Variants in SLC7A1 observed in about 807,000 individuals in gnomAD.
The protein encoded by SLC7A1 is solute carrier family 7 member 1.
A neutral mutation model predicts 53.9 loss-of-function variants in SLC7A1; 10 were observed. The observed-to-expected ratio is 0.19, with a 90% CI of 0.11 to 0.31. The LOEUF is 0.31. Ranked by LOEUF, SLC7A1 falls within the 10% of genes least tolerant of loss-of-function variation. The probability of loss-of-function intolerance (pLI) is 1.00; values close to 1 mark genes in which losing one functional copy is unlikely to be tolerated. For synonymous variants in SLC7A1, 342 were observed against 338.7 expected (o/e 1.01, Z -0.11); for missense variants, 525 against 827.2 (o/e 0.63, Z 4.48).
At chr13:29,563,460 C>T (rs1243300234) in intron 1 of SLC7A1, among the ~76,000 whole-genome samples, 3 of 152,184 alleles carry the variant, frequency 2.0e-5, no homozygotes, top group African/African-American at 7.2e-5. Context: ...GAAAGCGAAA[C>T]TCTGTCATCA....
intron 5 of SLC7A1, among the ~76,000 whole-genome samples, chr13:29,527,764 T>C (rs1465953090): frequency 6.6e-6 from 1 of 152,192 alleles, no homozygotes; most frequent in East Asian, 1.9e-4. Context: ...ACTGCATCAG[T>C]GGTGAACTTC....
Position 29,587,583 on chromosome 13 carries a change from C to T in SLC7A1, c.-115+7833G>A, listed in dbSNP as rs1871936814. Among the ~76,000 whole-genome samples, 4 of 152,228 alleles carry T rather than the reference C, an allele frequency of 2.6e-5. No individual in the cohort carries two copies. In the South Asian group the frequency reaches 8.3e-4, roughly 32 times the overall value. On this transcript the variant is annotated intron_variant, in intron 1 of 12. Transcript: ENST00000380752. ...GTTTCCCTCAATCACGCTCCAGGCC[C>T]CATCCTTAACCTCTGCCAAGTCCAG... is the stretch of plus-strand genomic sequence containing the variant.
Position 29,530,723 on chromosome 13 carries a change from G to T in SLC7A1, c.530-11C>A. ...CAAGAGTTAAAAGTCCTGAAAAAGTGCATAGACACAAAACTTTGTCTGAGT... is the reference window on the plus strand; with the variant it reads ...CAAGAGTTAAAAGTCCTGAAAAAGTTCATAGACACAAAACTTTGTCTGAGT... On this transcript the variant is annotated splice_polypyrimidine_tract_variant and intron_variant, in intron 4 of 12. Transcript: ENST00000380752. 2 of 1,611,916 alleles carry T rather than the reference G, an allele frequency of 1.2e-6. No individual in the cohort carries two copies. The highest frequency in any genetic ancestry group is 1.7e-6 in the Non-Finnish European group (2 of 1,178,322).
chr13:29,530,542 T>C lies in SLC7A1; in HGVS notation c.700A>G (p.Asn234Asp), dbSNP rs759155237. 6.2e-7 allele frequency: 1 copy of C among 1,613,872 alleles called. No homozygotes were observed. The highest frequency in any genetic ancestry group is 2.2e-5 in the East Asian group (1 of 44,868). ...FGNTSGRLCL[N>D]NDTKEGKPGV... ...TGGTCAGAAGCAGCAACTCACTTGT[T>C]CAAACAGAGACGGCCTGATGTGTTC... The change falls in exon 5 of 13, where the codon AAC (asparagine) becomes GAC (aspartate). Residue 234 changes from asparagine (N) to aspartate (D), a missense_variant. Coordinates refer to ENST00000380752, the MANE Select transcript of SLC7A1 (RefSeq NM_003045.5).
At chr13:29,544,595 A>G (rs1028239208) in intron 2 of SLC7A1, among the ~76,000 whole-genome samples, 4 of 152,154 alleles carry the variant, frequency 2.6e-5, no homozygotes, top group African/African-American at 9.7e-5. Flanking sequence ...GATTTTTTTA[A>G]GTAATAATGC....
chr13:29,548,395 G>A (rs981856833), intron 2 of SLC7A1, among the ~76,000 whole-genome samples: 4 of 152,200 alleles, frequency 2.6e-5, no homozygotes, highest in African/African-American at 9.6e-5. Flanking sequence ...TGGAACCCAT[G>A]CCCACTGGAC....
At chr13:29,536,277 A>C in intron 2 of SLC7A1, 75 bp from the exon 3 acceptor site, 1 of 1,394,336 alleles carries the variant, frequency 7.2e-7, no homozygotes. Flanking sequence ...CACATTATGG[A>C]AACACAGACA....
intron 5 of SLC7A1, among the ~76,000 whole-genome samples, chr13:29,526,926 G>C (rs1868919199): frequency 6.6e-6 from 1 of 152,156 alleles, no homozygotes; most frequent in African/African-American, 2.4e-5. Flanking sequence ...GTGAGCATCC[G>C]TAAACCTCCC....
chr13:29,547,176 G>C (rs1159588266), intron 2 of SLC7A1, among the ~76,000 whole-genome samples: 1 of 152,190 alleles, frequency 6.6e-6, no homozygotes, highest in Non-Finnish European at 1.5e-5. Flanking sequence ...AGAGTCATGA[G>C]TTAAGTGACA....
At chr13:29,591,567 G>C (rs763467095) in intron 1 of SLC7A1, among the ~76,000 whole-genome samples, 5 of 152,138 alleles carry the variant, frequency 3.3e-5, no homozygotes, top group Admixed American at 3.3e-4. Context: ...CACTTTTAAA[G>C]AAACAGGAAA....
At chr13:29,570,731 C>CTTA (rs1280469524) in intron 1 of SLC7A1, among the ~76,000 whole-genome samples, 1 of 152,014 alleles carries the variant, frequency 6.6e-6, no homozygotes, top group Admixed American at 6.5e-5. Context: ...GTGGCTTGTG[C>CTTA]TTATAGTCCC....
At chr13:29,546,990 T>G (rs1050073642) in intron 2 of SLC7A1, among the ~76,000 whole-genome samples, 1 of 152,206 alleles carries the variant, frequency 6.6e-6, no homozygotes, top group African/African-American at 2.4e-5. Flanking sequence ...TTATATTGCC[T>G]GCTGTCACGT....
intron 1 of SLC7A1, among the ~76,000 whole-genome samples, chr13:29,554,186 G>A (rs185332340): frequency 8.5e-5 from 13 of 152,288 alleles, no homozygotes; most frequent in African/African-American, 2.2e-4. Context: ...GGGCATAGTC[G>A]TAGGCATGCA....
rs528196628 is a variant in SLC7A1, at chr13:29,517,066, G to A, written c.1677+78C>T. 5.0e-6 allele frequency: 7 copies of A among 1,398,636 alleles called. No homozygotes were observed. The South Asian group carries it at 7.5e-5, about 15-fold the overall frequency. 86.6% of individuals were successfully genotyped at this position (1,398,636 alleles called of 1,614,324 possible). Reference sequence around the variant, plus strand: ...CTCGGGAGCACCCAGGCCCGGCTGAGCCCACGCAGGGCTGGCCAGGCATCA... The same window carrying A: ...CTCGGGAGCACCCAGGCCCGGCTGAACCCACGCAGGGCTGGCCAGGCATCA... On this transcript the variant is annotated intron_variant, in intron 11 of 12. Coordinates refer to ENST00000380752, the MANE Select transcript of SLC7A1 (RefSeq NM_003045.5).
chr13:29,573,301 T>A (rs757676955), intron 1 of SLC7A1, among the ~76,000 whole-genome samples: 44 of 152,144 alleles, frequency 2.9e-4, no homozygotes, highest in Middle Eastern at 3.4e-3. Flanking sequence ...GCTGTGAGAA[T>A]CTGAAACGAG....
chr13:29,583,863 G>A (rs963108180), intron 1 of SLC7A1, among the ~76,000 whole-genome samples: 2 of 152,108 alleles, frequency 1.3e-5, no homozygotes, highest in Non-Finnish European at 2.9e-5. Flanking sequence ...TTTCTCCCAA[G>A]ATTGCCCTCT....
rs1035398417 is a variant in SLC7A1, at chr13:29,511,840, G to A, written c.*2640C>T. The A allele has an allele frequency of 6.6e-6, 1 of 152,192 alleles. No individual in the cohort carries two copies. Among genetic ancestry groups the A allele is most frequent in the Admixed American group, 6.5e-5 (1 of 15,284 alleles). 9.4% of individuals were successfully genotyped at this position (152,192 alleles called of 1,614,324 possible). A position where few individuals can be genotyped will look rare whatever the true frequency, so the allele number is the denominator to read the frequency against. On this transcript the variant is annotated 3_prime_UTR_variant, in exon 13 of 13. Transcript: ENST00000380752. ...ATTTGTGGCTGGTGCACAGATAAAAGTAGACACAATACTCCTTGGTGGGTG... is the reference window on the plus strand; with the variant it reads ...ATTTGTGGCTGGTGCACAGATAAAAATAGACACAATACTCCTTGGTGGGTG...
intron 2 of SLC7A1, among the ~76,000 whole-genome samples, chr13:29,539,650 G>A (rs1869579735): frequency 6.6e-6 from 1 of 152,176 alleles, no homozygotes; most frequent in Admixed American, 6.5e-5. Context: ...ATAGTTCTTG[G>A]CCTGTTTCCC....
chr13:29,570,204 C>T (rs139949827), intron 1 of SLC7A1, among the ~76,000 whole-genome samples: 6 of 152,358 alleles, frequency 3.9e-5, no homozygotes, highest in South Asian at 2.1e-4. Context: ...GCTGAACCTC[C>T]TCTGCCCCGA....
Sources: allele counts gnomAD v4.1 joint callset (sites outside exome capture counted in the v4.1 genomes callset), GRCh38; gene constraint gnomAD v4.1.1; transcripts MANE v1.5; gene names NCBI Gene and HGNC (gene_info 2026-07-23, HGNC 2026-07-21).